LOC122539214: variants seen among roughly 807,000 people sequenced by gnomAD.
chr19:52,658,066 G>A, the LOC122539214 span, among the ~76,000 whole-genome samples: 1 of 150,844 alleles, frequency 6.6e-6, no homozygotes, highest in Non-Finnish European at 1.5e-5. Context: ...AACCATGAAA[G>A]CGGAGGTTGC....
chr19:52,657,148 A>G, the LOC122539214 span, among the ~76,000 whole-genome samples: 2 of 151,654 alleles, frequency 1.3e-5, no homozygotes, highest in Non-Finnish European at 2.9e-5. Context: ...AGCTCATTGA[A>G]TTAAGAGACA....
chr19:52,682,243 G>A, the LOC122539214 span, among the ~76,000 whole-genome samples: 2 of 152,066 alleles, frequency 1.3e-5, no homozygotes, highest in African/African-American at 2.4e-5. Flanking sequence ...CAAATGATGT[G>A]TTTTCTACGT....
chr19:52,690,182 G>GAA, the LOC122539214 span, among the ~76,000 whole-genome samples: 2,188 of 132,064 alleles, frequency 0.017, 11 homozygotes, highest in Middle Eastern at 0.042. Flanking sequence ...ATGATTTTGA[G>GAA]AAAAAAAAAA....
chr19:52,670,064 C>T, the LOC122539214 span, among the ~76,000 whole-genome samples: 1 of 152,202 alleles, frequency 6.6e-6, no homozygotes, highest in African/African-American at 2.4e-5. Context: ...TTAACTTCCT[C>T]ATAAAGCAAC....
At chr19:52,671,726 C>T in the LOC122539214 span, among the ~76,000 whole-genome samples, 6 of 152,154 alleles carry the variant, frequency 3.9e-5, no homozygotes, top group African/African-American at 1.2e-4. Context: ...TACAGGCAAG[C>T]CACCACACCC....
At chr19:52,654,290 A>C in the LOC122539214 span, 3 of 1,531,716 alleles carry the variant, frequency 2.0e-6, no homozygotes, top group Admixed American at 1.7e-5. Context: ...TCTGGGAAGC[A>C]AAAATCTCCA....
chr19:52,659,527 G>A, the LOC122539214 span, among the ~76,000 whole-genome samples: 923 of 151,166 alleles, frequency 6.1e-3, 8 homozygotes, highest in African/African-American at 0.021. Context: ...TTATTCATAT[G>A]TGGTTTAGGT....
At chr19:52,683,024 C>T in the LOC122539214 span, among the ~76,000 whole-genome samples, 1 of 152,084 alleles carries the variant, frequency 6.6e-6, no homozygotes, top group African/African-American at 2.4e-5. Context: ...GCATGTGCCA[C>T]CACACCCAGC....
chr19:52,683,542 T>G, the LOC122539214 span, among the ~76,000 whole-genome samples: 1 of 113,944 alleles, frequency 8.8e-6, no homozygotes, highest in Non-Finnish European at 1.8e-5. Flanking sequence ...GCAAAGTCCC[T>G]GCCCATAATG....
At chr19:52,652,780 C>G in the LOC122539214 span, 1 of 846,788 alleles carries the variant, frequency 1.2e-6, no homozygotes, top group Non-Finnish European at 1.9e-6. Context: ...TGACTGCCCA[C>G]TAAAGGCTTT....
the LOC122539214 span, chr19:52,654,365 C>A: frequency 7.9e-7 from 1 of 1,262,390 alleles, no homozygotes; most frequent in Non-Finnish European, 1.1e-6. Context: ...TTACCGTGCC[C>A]TGTTGATGAG....
chr19:52,656,604 A>C, the LOC122539214 span, among the ~76,000 whole-genome samples: 1 of 152,184 alleles, frequency 6.6e-6, no homozygotes, highest in Non-Finnish European at 1.5e-5. Flanking sequence ...ATGGTGGCTC[A>C]CACCTATAAT....
the LOC122539214 span, among the ~76,000 whole-genome samples, chr19:52,659,065 C>T: frequency 3.0e-3 from 453 of 152,222 alleles, 1 homozygote; most frequent in Non-Finnish European, 4.9e-3. Flanking sequence ...TTCATTCATC[C>T]GTCTGGGCCA....
At chr19:52,684,195 T>G in the LOC122539214 span, among the ~76,000 whole-genome samples, 1 of 151,874 alleles carries the variant, frequency 6.6e-6, no homozygotes, top group Non-Finnish European at 1.5e-5. Context: ...ATCGTGAAAC[T>G]GCATCTCTAC....
the LOC122539214 span, among the ~76,000 whole-genome samples, chr19:52,665,416 A>G: frequency 6.6e-6 from 1 of 152,144 alleles, no homozygotes; most frequent in Non-Finnish European, 1.5e-5. Context: ...ATAAGAAAAA[A>G]AGTGATTAAA....
At chr19:52,675,399 T>C in the LOC122539214 span, among the ~76,000 whole-genome samples, 6 of 152,172 alleles carry the variant, frequency 3.9e-5, no homozygotes, top group South Asian at 1.0e-3. Flanking sequence ...CAGAAAGAAA[T>C]ATATCAAGGG....
chr19:52,689,345 G>C, the LOC122539214 span, among the ~76,000 whole-genome samples: 7 of 151,662 alleles, frequency 4.6e-5, no homozygotes. Context: ...CCATCTCAGC[G>C]CCTCCTCTGC....
chr19:52,682,767 G>A, the LOC122539214 span, among the ~76,000 whole-genome samples: 1 of 152,174 alleles, frequency 6.6e-6, no homozygotes, highest in Non-Finnish European at 1.5e-5. Flanking sequence ...CTCTTTGGGA[G>A]GCTAAAATGG....
the LOC122539214 span, among the ~76,000 whole-genome samples, chr19:52,679,656 T>C: frequency 1.3e-5 from 2 of 152,186 alleles, no homozygotes; most frequent in African/African-American, 2.4e-5. Context: ...GAAACACTTA[T>C]CAGTCAGTGT....
Sources: gnomAD v4.1 joint callset for allele counts (sites outside exome capture counted in the v4.1 genomes callset) on GRCh38, gnomAD v4.1.1 for gene constraint, MANE v1.5 for transcripts.